NRG3: variants seen among roughly 807,000 people sequenced by gnomAD.
NRG3 encodes neuregulin 3, also known as pro-neuregulin-3, membrane-bound isoform.
A neutral mutation model predicts 66.9 loss-of-function variants in NRG3; 31 were observed. The observed-to-expected ratio is 0.46, with a 90% CI of 0.35 to 0.63. NRG3 has a LOEUF of 0.63. NRG3 is among the 20% of genes least tolerant of loss of function. The probability of loss-of-function intolerance (pLI) is 0.00; values close to 1 mark genes in which losing one functional copy is unlikely to be tolerated. For missense variants in NRG3, 910 were observed against 878.9 expected, an observed-to-expected ratio of 1.04 and a Z score of -0.45; for synonymous variants, 393 against 359.4, an observed-to-expected ratio of 1.09 and a Z score of -1.06.
intron 1 of NRG3, among the ~76,000 whole-genome samples, chr10:82,325,558 C>T (rs2081826928): frequency 6.6e-6 from 1 of 151,292 alleles, no homozygotes; most frequent in Non-Finnish European, 1.5e-5. Flanking sequence ...TTAAAGTGGG[C>T]TTTTTGTAGG....
At chr10:82,142,049 T>A (rs1206613355) in intron 1 of NRG3, among the ~76,000 whole-genome samples, 1 of 152,218 alleles carries the variant, frequency 6.6e-6, no homozygotes, top group East Asian at 1.9e-4. Flanking sequence ...GAATACACAC[T>A]CTGAATCAAT....
chr10:82,531,403 T>G (rs1309343060), intron 2 of NRG3, among the ~76,000 whole-genome samples: 1 of 151,800 alleles, frequency 6.6e-6, no homozygotes, highest in African/African-American at 2.4e-5. Context: ...TGACAAAACA[T>G]TTTTTGTTAT....
chr10:82,881,867 G>T (rs907892391), intron 4 of NRG3, among the ~76,000 whole-genome samples: 6 of 152,232 alleles, frequency 3.9e-5, no homozygotes, highest in African/African-American at 1.2e-4. Flanking sequence ...GTGCTACACT[G>T]TGTTTTCCTG....
chr10:81,959,776 T>C (rs1245858138), intron 1 of NRG3, among the ~76,000 whole-genome samples: 1 of 152,196 alleles, frequency 6.6e-6, no homozygotes, highest in Non-Finnish European at 1.5e-5. Flanking sequence ...TAGTTTCCAC[T>C]AACATCCTTT....
chr10:82,471,839 AGATG>A (rs1449183970), intron 2 of NRG3, among the ~76,000 whole-genome samples: 1 of 151,886 alleles, frequency 6.6e-6, no homozygotes, highest in East Asian at 1.9e-4. Context: ...CAGTGAGCTG[AGATG>A]GTGCCATTGC....
chr10:82,099,806 T>TAAAACA (rs939268228), intron 1 of NRG3, among the ~76,000 whole-genome samples: 9 of 151,186 alleles, frequency 6.0e-5, no homozygotes, highest in African/African-American at 2.2e-4. Context: ...TACAAAAATG[T>TAAAACA]AAAACAAAAA....
chr10:82,985,743 G>C lies in NRG3; in HGVS notation c.*138G>C. ...AATAGTCTATCGCCCTCATATCATA[G>C]TGTTTTTTAACAAAATATTTTTTTA... On this transcript the variant is annotated 3_prime_UTR_variant, in exon 9 of 9. Coordinates refer to ENST00000372141, the MANE Select transcript of NRG3 (RefSeq NM_001010848.4). 1 of 923,580 alleles carries C rather than the reference G, an allele frequency of 1.1e-6. No individual in the cohort carries two copies. The highest frequency in any genetic ancestry group is 1.7e-5 in the South Asian group (1 of 57,538). 57.2% of individuals were successfully genotyped at this position (923,580 alleles called of 1,614,324 possible).
intron 2 of NRG3, among the ~76,000 whole-genome samples, chr10:82,578,989 AC>A (rs2046198192): frequency 2.0e-5 from 3 of 151,904 alleles, no homozygotes; most frequent in African/African-American, 7.2e-5. Flanking sequence ...TTTAAAGAGT[AC>A]CTGAGTTCTG....
At chr10:82,807,418 C>T (rs1043638615) in intron 3 of NRG3, among the ~76,000 whole-genome samples, 3 of 152,130 alleles carry the variant, frequency 2.0e-5, no homozygotes, top group African/African-American at 7.2e-5. Context: ...ATTTCATTAC[C>T]TTGCAACGGG....
intron 4 of NRG3, among the ~76,000 whole-genome samples, chr10:82,897,711 G>A (rs1050732995): frequency 3.9e-5 from 6 of 152,018 alleles, no homozygotes; most frequent in Non-Finnish European, 7.4e-5. Context: ...GTAGAGACAG[G>A]GTTTCACCAT....
intron 2 of NRG3, among the ~76,000 whole-genome samples, chr10:82,410,423 G>A (rs926761960): frequency 2.7e-5 from 4 of 148,432 alleles, no homozygotes; most frequent in African/African-American, 1.0e-4. Context: ...TTCAGAAAAG[G>A]CCACATACTG....
intron 2 of NRG3, among the ~76,000 whole-genome samples, chr10:82,410,450 C>CAT (rs3068948): frequency 1.9e-3 from 280 of 145,742 alleles, no homozygotes; most frequent in East Asian, 7.6e-3. Flanking sequence ...TCCATATATA[C>CAT]ATATATATAT....
chr10:82,126,104 G>A (rs1053049264), intron 1 of NRG3, among the ~76,000 whole-genome samples: 3 of 151,950 alleles, frequency 2.0e-5, no homozygotes, highest in Admixed American at 6.6e-5. Flanking sequence ...CAGGAAACTG[G>A]GGTGTTGGAC....
chr10:81,975,113 AAAG>A (rs2060070573), intron 1 of NRG3, among the ~76,000 whole-genome samples: 1 of 152,134 alleles, frequency 6.6e-6, no homozygotes, highest in Non-Finnish European at 1.5e-5. Context: ...TTGAAAAAAA[AAAG>A]AAAAACATAA....
chr10:82,707,884 T>A (rs1314300433), intron 2 of NRG3, among the ~76,000 whole-genome samples: 1 of 132,490 alleles, frequency 7.5e-6, no homozygotes, highest in Non-Finnish European at 1.6e-5. Context: ...TAGCCAGGTG[T>A]GGTGGCGCAT....
In NRG3 at chr10:82,161,751, C is replaced by T. The variant is rs2071619202; in HGVS notation, c.824-196988C>T. Among the ~76,000 whole-genome samples, 4 of 152,116 alleles carry T rather than the reference C, an allele frequency of 2.6e-5. No individual in the cohort carries two copies. In the South Asian group the frequency reaches 8.3e-4, roughly 31 times the overall value. ...ACCCATACTATCTGAATAATGATCC[C>T]TACATACTTCTAGGAAAGAAAGATA... is the stretch of plus-strand genomic sequence containing the variant. On this transcript the variant is annotated intron_variant, in intron 1 of 8. Transcript: ENST00000372141.
intron 2 of NRG3, among the ~76,000 whole-genome samples, chr10:82,725,985 G>A (rs1565245124): frequency 6.6e-6 from 1 of 152,090 alleles, no homozygotes; most frequent in Non-Finnish European, 1.5e-5. Context: ...AAGGTTAAAT[G>A]AGGTCACAAG....
At chr10:82,315,295 C>A (rs189660311) in intron 1 of NRG3, among the ~76,000 whole-genome samples, 1 of 152,278 alleles carries the variant, frequency 6.6e-6, no homozygotes, top group Non-Finnish European at 1.5e-5. Flanking sequence ...CTTTGTGGAG[C>A]CTGAGGCACA....
chr10:82,482,037 A>C (rs1321561442), intron 2 of NRG3, among the ~76,000 whole-genome samples: 1 of 152,158 alleles, frequency 6.6e-6, no homozygotes, highest in Non-Finnish European at 1.5e-5. Flanking sequence ...TATGTTTCGA[A>C]GCACAGCTTA....
Sources: allele counts gnomAD v4.1 joint callset (sites outside exome capture counted in the v4.1 genomes callset), GRCh38; gene constraint gnomAD v4.1.1; transcripts MANE v1.5; gene names NCBI Gene and HGNC (gene_info 2026-07-23, HGNC 2026-07-21).